LIPC: variants seen among roughly 807,000 people sequenced by gnomAD.
LIPC encodes lipase C, hepatic type.
A neutral mutation model predicts 50.7 loss-of-function variants in LIPC; 44 were observed. The observed-to-expected ratio is 0.87, with a 90% CI of 0.68 to 1.11. The LOEUF (loss-of-function observed/expected upper bound fraction) is 1.11, where lower values mean the gene tolerates loss of function less well. Among genes scored for constraint, LIPC ranks in the 50% most tolerant of loss-of-function variants. The pLI is 0.00. For synonymous variants in LIPC, 271 were observed against 256.4 expected (o/e 1.06, Z -0.54); for missense variants, 697 against 648.2 (o/e 1.08, Z -0.82).
chr15:58,476,946 C>T (rs1009818226), intron 1 of LIPC, among the ~76,000 whole-genome samples: 1 of 152,174 alleles, frequency 6.6e-6, no homozygotes, highest in East Asian at 1.9e-4. Context: ...TGACAACAAT[C>T]AGGGTCATTC....
intron 6 of LIPC, among the ~76,000 whole-genome samples, chr15:58,558,605 T>C (rs1354457157): frequency 2.9e-4 from 3 of 10,224 alleles, no homozygotes; most frequent in African/African-American, 3.8e-4. Flanking sequence ...AAGATCCTCA[T>C]AGCAGCGCAA....
At chr15:58,567,249 G>GTGTA (rs749635995) in intron 8 of LIPC, among the ~76,000 whole-genome samples, 19,034 of 108,692 alleles carry the variant, frequency 0.18, 1,823 homozygotes, top group South Asian at 0.41. Flanking sequence ...GTGTGTGTGT[G>GTGTA]TATATATATA....
chr15:58,481,734 G>A (rs1221996346), intron 1 of LIPC, among the ~76,000 whole-genome samples: 1 of 152,238 alleles, frequency 6.6e-6, no homozygotes, highest in Non-Finnish European at 1.5e-5. Flanking sequence ...GGGAGGCAGA[G>A]GTTACGGTGA....
chr15:58,565,535 T>C, intron 8 of LIPC: 1 of 1,284,512 alleles, frequency 7.8e-7, no homozygotes, highest in Non-Finnish European at 9.9e-7. Flanking sequence ...TGATCTTTGC[T>C]GTGATCCTGA....
intron 5 of LIPC, among the ~76,000 whole-genome samples, chr15:58,547,632 T>TAAA (rs60995762): frequency 2.1e-5 from 3 of 141,060 alleles, no homozygotes; most frequent in Admixed American, 7.0e-5. Context: ...TTTGGAGAGT[T>TAAA]AAAAAAAAAA....
intron 1 of LIPC, among the ~76,000 whole-genome samples, chr15:58,502,509 CTTTTT>C (rs11332551): frequency 2.1e-5 from 3 of 144,548 alleles, no homozygotes; most frequent in African/African-American, 7.6e-5. Context: ...GTAATTTTCT[CTTTTT>C]TTTTTTTTGT....
At chr15:58,441,566 T>C (rs1266892946) in intron 1 of LIPC, among the ~76,000 whole-genome samples, 7 of 152,158 alleles carry the variant, frequency 4.6e-5, no homozygotes, top group African/African-American at 1.4e-4. Context: ...CTGACATCAA[T>C]TGCAAGTCAG....
chr15:58,508,437 C>T (rs1028757367), intron 1 of LIPC, among the ~76,000 whole-genome samples: 1 of 152,120 alleles, frequency 6.6e-6, no homozygotes, highest in African/African-American at 2.4e-5. Context: ...CAGGATTCAG[C>T]GAGTCTTACT....
intron 1 of LIPC, among the ~76,000 whole-genome samples, chr15:58,537,333 G>A (rs1002672634): frequency 6.6e-6 from 1 of 152,186 alleles, no homozygotes; most frequent in East Asian, 1.9e-4. Flanking sequence ...GTGGCTCATG[G>A]TCATAGTGAG....
chr15:58,540,872 C>G (rs1319429516), intron 2 of LIPC, among the ~76,000 whole-genome samples: 2 of 152,122 alleles, frequency 1.3e-5, no homozygotes, highest in African/African-American at 4.8e-5. Flanking sequence ...GTGATCTCAG[C>G]TCACTGCAGA....
At position 58,548,344 on chromosome 15, in the gene LIPC, A is replaced by G. The variant is rs1893609961; in HGVS notation, c.823A>G (p.Ile275Val). 2 of 1,613,978 alleles carry G rather than the reference A, an allele frequency of 1.2e-6. No homozygotes were observed. Among genetic ancestry groups the G allele is most frequent in the Non-Finnish European group, 1.7e-6 (2 of 1,180,014 alleles). Residue 275 changes from isoleucine to valine, a missense_variant, in exon 6 of 9, where the codon ATA (isoleucine) becomes GTA (valine). By Grantham distance (29) the Ile-to-Val change is conservative. Transcript: ENST00000299022. Reference sequence around the variant, plus strand: ...CTGTGTTCCAGCCATCACCCAGACCATAAAATGCTCCCACGAGCGATCGGT... The same window carrying G: ...CTGTGTTCCAGCCATCACCCAGACCGTAAAATGCTCCCACGAGCGATCGGT... Reference protein sequence around the residue: ...QHGFNAITQTIKCSHERSVHL... With the variant: ...QHGFNAITQTVKCSHERSVHL...
chr15:58,516,427 C>T (rs1270134697), intron 1 of LIPC, among the ~76,000 whole-genome samples: 3 of 151,644 alleles, frequency 2.0e-5, no homozygotes, highest in African/African-American at 4.8e-5. Context: ...TTCTTCTGTC[C>T]CCTTTCTTGT....
chr15:58,499,361 C>G (rs1049223243), intron 1 of LIPC, among the ~76,000 whole-genome samples: 1 of 152,178 alleles, frequency 6.6e-6, no homozygotes. Context: ...CACCAGACTC[C>G]TGGGTTACAA....
At chr15:58,564,325 A>G (rs772768396) in intron 8 of LIPC, among the ~76,000 whole-genome samples, 12 of 151,986 alleles carry the variant, frequency 7.9e-5, no homozygotes, top group East Asian at 1.9e-4. Flanking sequence ...AGAAACTCCA[A>G]TGTAGAACAA....
chr15:58,481,040 T>C (rs946170443), intron 1 of LIPC, among the ~76,000 whole-genome samples: 9 of 152,114 alleles, frequency 5.9e-5, no homozygotes, highest in African/African-American at 1.7e-4. Context: ...CCAATTCCCA[T>C]GGAGATGGTC....
At chr15:58,529,676 T>C (rs1892900580) in intron 1 of LIPC, among the ~76,000 whole-genome samples, 1 of 151,950 alleles carries the variant, frequency 6.6e-6, no homozygotes, top group Admixed American at 6.6e-5. Flanking sequence ...ATAGGAAGAG[T>C]CCTAGAACAT....
At chr15:58,452,875 C>T (rs1347918532) in intron 1 of LIPC, among the ~76,000 whole-genome samples, 2 of 152,180 alleles carry the variant, frequency 1.3e-5, no homozygotes, top group Non-Finnish European at 2.9e-5. Context: ...GAGTGGTCTG[C>T]TCTTGCTCTG....
chr15:58,564,430 A>C lies in LIPC; in HGVS notation c.1388+707A>C, dbSNP rs577309152. Among the ~76,000 whole-genome samples the C allele has an allele frequency of 5.3e-5, 8 of 152,132 alleles. No individual in the cohort carries two copies. In the South Asian group the frequency reaches 1.7e-3, roughly 32 times the overall value. Reference sequence around the variant, plus strand: ...ACGAAGGAGCTGGGGTGGGGAGCAAAGAAAAGGAAGGACAGGGCTGGGCGT... The same window carrying C: ...ACGAAGGAGCTGGGGTGGGGAGCAACGAAAAGGAAGGACAGGGCTGGGCGT... On this transcript the variant is annotated intron_variant, in intron 8 of 8. Transcript: ENST00000299022.
intron 1 of LIPC, among the ~76,000 whole-genome samples, chr15:58,453,366 AG>A (rs750777539): frequency 6.6e-6 from 1 of 152,036 alleles, no homozygotes; most frequent in East Asian, 1.9e-4. Flanking sequence ...TGCCTCCTGC[AG>A]GCACCCTCAT....
Sources: gnomAD v4.1 joint callset for allele counts (sites outside exome capture counted in the v4.1 genomes callset) on GRCh38, gnomAD v4.1.1 for gene constraint, MANE v1.5 for transcripts, NCBI Gene and HGNC (gene_info 2026-07-23, HGNC 2026-07-21) for gene names.